The following BBX variants were observed in gnomAD, a reference collection of about 807,000 sequenced individuals.
The protein encoded by BBX is BBX high mobility group box domain containing, also known as HMG box transcription factor BBX.
Under a neutral mutation model 100.2 loss-of-function variants are expected in BBX, and 30 were observed. The ratio of observed to expected loss-of-function variants is 0.30; its 90% CI spans 0.22 to 0.41. The LOEUF (loss-of-function observed/expected upper bound fraction) is 0.41. Among genes scored for constraint, BBX ranks in the 10% least tolerant of loss-of-function variants. BBX has a pLI of 1.00. For missense variants in BBX, 1,023 were observed against 1,129.8 expected, an observed-to-expected ratio of 0.91 and a Z score of 1.35; for synonymous variants, 376 against 388.1, an observed-to-expected ratio of 0.97 and a Z score of 0.37.
chr3:107,706,376 A>G (rs896421297), intron 3 of BBX, among the ~76,000 whole-genome samples: 2 of 152,054 alleles, frequency 1.3e-5, no homozygotes, highest in African/African-American at 2.4e-5. Flanking sequence ...TAATCTGTCA[A>G]TTTACATTGA....
intron 2 of BBX, among the ~76,000 whole-genome samples, chr3:107,562,944 C>T (rs916206974): frequency 1.3e-5 from 2 of 152,106 alleles, no homozygotes; most frequent in Non-Finnish European, 2.9e-5. Context: ...TTTTTCCCCT[C>T]CAAAATATGG....
At chr3:107,589,214 G>A (rs2053094686) in intron 2 of BBX, among the ~76,000 whole-genome samples, 1 of 152,168 alleles carries the variant, frequency 6.6e-6, no homozygotes, top group African/African-American at 2.4e-5. Flanking sequence ...TTTACACTTA[G>A]TGAGTAAGTA....
intron 3 of BBX, among the ~76,000 whole-genome samples, chr3:107,699,263 G>T (rs1480338622): frequency 6.6e-6 from 1 of 151,842 alleles, no homozygotes; most frequent in Non-Finnish European, 1.5e-5. Context: ...AGGGATAAGA[G>T]TTCCACCGGA....
intron 6 of BBX, among the ~76,000 whole-genome samples, chr3:107,729,658 T>C (rs2063184845): frequency 6.6e-6 from 1 of 152,226 alleles, no homozygotes; most frequent in Admixed American, 6.5e-5. Flanking sequence ...AAGATGAGTT[T>C]GCCAGATGAA....
chr3:107,638,565 C>T (rs2056987010), intron 2 of BBX: 1 of 152,144 alleles, frequency 6.6e-6, no homozygotes, highest in East Asian at 1.9e-4. Flanking sequence ...TTGCTGGAAA[C>T]ATGTTAGACA....
intron 9 of BBX, among the ~76,000 whole-genome samples, chr3:107,753,887 T>G (rs1303412993): frequency 6.6e-6 from 1 of 152,190 alleles, no homozygotes; most frequent in Non-Finnish European, 1.5e-5. Context: ...TCAATTTCAG[T>G]GTTTAAGTAA....
intron 6 of BBX, among the ~76,000 whole-genome samples, chr3:107,731,963 T>TG (rs2063344893): frequency 6.6e-6 from 1 of 152,224 alleles, no homozygotes; most frequent in Non-Finnish European, 1.5e-5. Context: ...TGTTCTTTCA[T>TG]TACACTTCTG....
In BBX at chr3:107,568,651, A is replaced by T. The variant is rs148609127; in HGVS notation, c.-84+42253A>T. Among the ~76,000 whole-genome samples the T allele has an allele frequency of 8.5e-5, 13 of 152,048 alleles. 1 individual carries two copies. In the East Asian group the frequency reaches 1.7e-3, roughly 20 times the overall value. On this transcript the variant is annotated intron_variant, in intron 2 of 17. Transcript: ENST00000325805. ...CAGATGGAAGGTAGATCTGTCCTCT[A>T]TGTCTCCTAACTTTTCTTTTTTTAA...
intron 2 of BBX, among the ~76,000 whole-genome samples, chr3:107,578,288 G>A (rs2051963063): frequency 6.6e-6 from 1 of 152,144 alleles, no homozygotes; most frequent in African/African-American, 2.4e-5. Flanking sequence ...CATGTAGGTG[G>A]GAAGGGTTTC....
chr3:107,731,722 A>T (rs891026289), intron 6 of BBX, among the ~76,000 whole-genome samples: 7 of 150,696 alleles, frequency 4.6e-5, no homozygotes, highest in Admixed American at 6.6e-5. Flanking sequence ...TTTTTTTTTT[A>T]AAACTGTCGA....
In BBX at chr3:107,763,730, C is replaced by T. The variant is rs546013400; in HGVS notation, c.906+8052C>T. Among the ~76,000 whole-genome samples, 3 of 152,236 alleles carry T rather than the reference C, an allele frequency of 2.0e-5. No individual in the cohort carries two copies. In the South Asian group the frequency reaches 6.2e-4, roughly 32 times the overall value. On this transcript the variant is annotated intron_variant, in intron 10 of 17. Transcript: ENST00000325805. Reference sequence around the variant, plus strand: ...TTTATACATGGTCTAACATGCACATCCTTAGGAATCCTAGGTATTAACATA... The same window carrying T: ...TTTATACATGGTCTAACATGCACATTCTTAGGAATCCTAGGTATTAACATA...
chr3:107,626,747 T>C (rs929342748), intron 2 of BBX, among the ~76,000 whole-genome samples: 11 of 151,180 alleles, frequency 7.3e-5, no homozygotes, highest in Non-Finnish European at 1.2e-4. Flanking sequence ...CTCTACCTCC[T>C]GGGTTCAAGT....
chr3:107,712,216 T>C (rs1323912812), intron 4 of BBX, among the ~76,000 whole-genome samples: 1 of 152,178 alleles, frequency 6.6e-6, no homozygotes, highest in Non-Finnish European at 1.5e-5. Flanking sequence ...TCCTTCCTAG[T>C]TTCTTTCAGT....
At chr3:107,647,438 A>T (rs1465990331) in intron 3 of BBX, among the ~76,000 whole-genome samples, 2 of 152,232 alleles carry the variant, frequency 1.3e-5, no homozygotes, top group African/African-American at 4.8e-5. Flanking sequence ...TAATCAGATT[A>T]TTGCAATAGA....
intron 3 of BBX, among the ~76,000 whole-genome samples, chr3:107,684,285 T>C (rs2108016713): frequency 6.6e-6 from 1 of 152,332 alleles, no homozygotes; most frequent in African/African-American, 2.4e-5. Flanking sequence ...ATTAGACTTT[T>C]GCCTTAGCAG....
intron 2 of BBX, among the ~76,000 whole-genome samples, chr3:107,544,227 T>C (rs947195263): frequency 7.2e-5 from 11 of 152,200 alleles, no homozygotes; most frequent in Admixed American, 2.0e-4. Flanking sequence ...TTCTGCTCCT[T>C]TGTGTAAATG....
intron 4 of BBX, among the ~76,000 whole-genome samples, chr3:107,711,754 T>A (rs2061735740): frequency 6.6e-6 from 1 of 152,218 alleles, no homozygotes; most frequent in East Asian, 1.9e-4. Flanking sequence ...ATTTCATTTT[T>A]TAAACACATT....
intron 6 of BBX, 42 bp downstream of exon 6, chr3:107,729,002 G>A (rs376496139): frequency 7.9e-5 from 125 of 1,579,324 alleles, no homozygotes; most frequent in Non-Finnish European, 1.0e-4. Flanking sequence ...TAAGGACAGG[G>A]CAATACATTT....
intron 2 of BBX, among the ~76,000 whole-genome samples, chr3:107,563,636 C>G (rs1178484681): frequency 1.3e-5 from 2 of 152,038 alleles, no homozygotes; most frequent in Non-Finnish European, 2.9e-5. Context: ...ATAAAATTGG[C>G]CTGTTTCATT....
Sources: allele counts gnomAD v4.1 joint callset (sites outside exome capture counted in the v4.1 genomes callset), GRCh38; gene constraint gnomAD v4.1.1; transcripts MANE v1.5; gene names NCBI Gene and HGNC (gene_info 2026-07-23, HGNC 2026-07-21).